Variants in NDUFA10 observed in about 807,000 individuals in gnomAD.
NDUFA10 encodes the protein NADH:ubiquinone oxidoreductase subunit A10, also known as NADH dehydrogenase [ubiquinone] 1 alpha subcomplex subunit 10, mitochondrial.
Under a neutral mutation model 47.8 loss-of-function variants are expected in NDUFA10, and 40 were observed. That is an observed-to-expected ratio of 0.84 (90% CI 0.65 to 1.09). The LOEUF (loss-of-function observed/expected upper bound fraction) is 1.09. Ranked by LOEUF, NDUFA10 falls within the 50% of genes least tolerant of loss-of-function variation. NDUFA10 has a pLI of 0.00. For synonymous variants in NDUFA10, 183 were observed against 172.2 expected, an observed-to-expected ratio of 1.06 and a Z score of -0.49; for missense variants, 413 against 451.1, an observed-to-expected ratio of 0.92 and a Z score of 0.76.
At chr2:240,009,721 T>A (rs1404174760) in intron 6 of NDUFA10, among the ~76,000 whole-genome samples, 1 of 152,228 alleles carries the variant, frequency 6.6e-6, no homozygotes, top group African/African-American at 2.4e-5. Flanking sequence ...GTCAGGTCAA[T>A]CTGCTTTATT....
chr2:240,007,610 T>C (rs916291502), intron 6 of NDUFA10, among the ~76,000 whole-genome samples: 3 of 152,184 alleles, frequency 2.0e-5, no homozygotes, highest in South Asian at 2.1e-4. Context: ...CATTTCCTCG[T>C]TTCCCTTCTC....
chr2:240,018,276 T>G, intron 4 of NDUFA10: 1 of 812,782 alleles, frequency 1.2e-6, no homozygotes, highest in Non-Finnish European at 1.9e-6. Context: ...AACGGGAGGC[T>G]GTGGGGGCTG....
At chr2:239,993,789 T>C (rs563200590) in intron 8 of NDUFA10, among the ~76,000 whole-genome samples, 69 of 151,868 alleles carry the variant, frequency 4.5e-4, no homozygotes, top group African/African-American at 1.5e-3. Context: ...GGGTGTGACT[T>C]TGGGGAGGAT....
intron 9 of NDUFA10, among the ~76,000 whole-genome samples, chr2:239,985,651 C>G (rs754251574): frequency 6.6e-6 from 1 of 151,918 alleles, no homozygotes; most frequent in Admixed American, 6.6e-5. Flanking sequence ...GTGGCAAGAG[C>G]GATACAGACA....
At chr2:240,020,240 G>T (rs1697564647) in intron 3 of NDUFA10, among the ~76,000 whole-genome samples, 1 of 152,122 alleles carries the variant, frequency 6.6e-6, no homozygotes, top group Non-Finnish European at 1.5e-5. Context: ...AACCCTAGTG[G>T]CGGCTGAGCT....
intron 2 of NDUFA10, 36 bp from the exon 3 acceptor site, chr2:240,021,448 C>T (rs752669759): frequency 1.3e-6 from 2 of 1,580,848 alleles, no homozygotes; most frequent in Admixed American, 1.7e-5. Flanking sequence ...GTCTGATGCA[C>T]ATCACTCACT....
Position 239,959,249 on chromosome 2 carries a change from C to A in NDUFA10, c.*1869G>T. ...GAGTCCACACCATGCCGACACGGAG[C>A]CCTGCATGGTTGGAGAGCTCTGCCC... On this transcript the variant is annotated 3_prime_UTR_variant, in exon 10 of 10. Coordinates refer to ENST00000252711, the MANE Select transcript of NDUFA10 (RefSeq NM_004544.4). 1 of 985,462 alleles carries A rather than the reference C, an allele frequency of 1.0e-6. No individual in the cohort carries two copies. The highest frequency in any genetic ancestry group is 1.2e-6 in the Non-Finnish European group (1 of 829,942). The allele number at this position is 985,462 out of a possible 1,614,324, so 61.0% of individuals were successfully genotyped here. A position where few individuals can be genotyped will look rare whatever the true frequency, so the allele number is the denominator to read the frequency against.
intron 4 of NDUFA10, among the ~76,000 whole-genome samples, chr2:239,898,395 G>A (rs1693441578): frequency 1.3e-5 from 2 of 152,332 alleles, no homozygotes; most frequent in South Asian, 2.1e-4. Flanking sequence ...CCAGAGTCAG[G>A]AAGGTGGCCC....
At chr2:239,953,786 T>C (rs1357127954), downstream of NDUFA10, among the ~76,000 whole-genome samples, 18 of 152,256 alleles carry the variant, frequency 1.2e-4, no homozygotes, top group Admixed American at 1.2e-3. Context: ...TGTGACCATG[T>C]GGAGACAGCA....
At chr2:239,988,436 G>A (rs1329187476) in intron 9 of NDUFA10, among the ~76,000 whole-genome samples, 1 of 152,198 alleles carries the variant, frequency 6.6e-6, no homozygotes, top group African/African-American at 2.4e-5. Context: ...AAGAGTGGCA[G>A]ACTTTAACAC....
intron 9 of NDUFA10, among the ~76,000 whole-genome samples, chr2:239,979,091 C>T (rs1001785226): frequency 6.6e-6 from 1 of 152,192 alleles, no homozygotes; most frequent in African/African-American, 2.4e-5. Flanking sequence ...GAGAAGTGTG[C>T]TCCTGTGTAA....
intron 4 of NDUFA10, among the ~76,000 whole-genome samples, chr2:239,915,253 A>T: frequency 1.4e-5 from 1 of 69,178 alleles, no homozygotes; most frequent in Non-Finnish European, 2.8e-5. Context: ...ATACACACAC[A>T]ACACACACAC....
chr2:239,919,927 G>C (rs553250370), intron 4 of NDUFA10, among the ~76,000 whole-genome samples: 1 of 152,186 alleles, frequency 6.6e-6, no homozygotes, highest in Non-Finnish European at 1.5e-5. Flanking sequence ...CCCTGCCTAC[G>C]CCAGTCCTTC....
chr2:239,916,251 TACACACACACACAGA>T (rs1693877592), intron 4 of NDUFA10, among the ~76,000 whole-genome samples: 2 of 140,564 alleles, frequency 1.4e-5, no homozygotes, highest in African/African-American at 5.3e-5. Context: ...CACACAGAGA[TACACACACACACAGA>T]ACACACACAC....
At chr2:240,010,478 G>C (rs1697097791) in intron 6 of NDUFA10, among the ~76,000 whole-genome samples, 2 of 152,116 alleles carry the variant, frequency 1.3e-5, no homozygotes, top group South Asian at 2.1e-4. Context: ...ATCTCCAAGA[G>C]TAATTTTTGA....
intron 4 of NDUFA10, among the ~76,000 whole-genome samples, chr2:239,920,369 G>C (rs1214592274): frequency 2.0e-5 from 3 of 152,206 alleles, no homozygotes; most frequent in Admixed American, 2.0e-4. Context: ...AGGTCCCCTT[G>C]CCATGGGGAC....
rs953854862 is a variant in NDUFA10 at position 239,958,132 on chromosome 2, C to A, written c.*2986G>T. 39 of 152,218 alleles carry A rather than the reference C, an allele frequency of 2.6e-4. No homozygotes were observed. Among genetic ancestry groups the A allele is most frequent in the African/African-American group, 8.7e-4 (36 of 41,452 alleles). The allele number at this position is 152,218 out of a possible 1,614,324, so 9.4% of individuals were successfully genotyped here. A position where few individuals can be genotyped will look rare whatever the true frequency, so the allele number is the denominator to read the frequency against. On this transcript the variant is annotated 3_prime_UTR_variant, in exon 10 of 10. Transcript: ENST00000252711. ...TCATGGAATTCTGGCCAGCCAGTGG[C>A]TGATGCCTACACAAGCTTTTCTTCA... is the stretch of plus-strand genomic sequence containing the variant.
In NDUFA10 at chr2:239,959,224, G is replaced by A. The variant is rs1041000476; in HGVS notation, c.*1894C>T. Reference sequence around the variant, plus strand: ...AACACAGGGGATGATCAGAGCACCCGAGTCCACACCATGCCGACACGGAGC... The same window carrying A: ...AACACAGGGGATGATCAGAGCACCCAAGTCCACACCATGCCGACACGGAGC... On this transcript the variant is annotated 3_prime_UTR_variant, in exon 10 of 10. Transcript: ENST00000252711. 1.2e-5 allele frequency: 12 copies of A among 984,098 alleles called. No individual in the cohort carries two copies. The African/African-American group carries it at 1.6e-4, about 13-fold the overall frequency. The allele number at this position is 984,098 out of a possible 1,614,324, so 61.0% of individuals were successfully genotyped here.
intron 4 of NDUFA10, among the ~76,000 whole-genome samples, chr2:239,936,961 AAAAAAT>A (rs1694275831): frequency 6.6e-6 from 1 of 152,220 alleles, no homozygotes; most frequent in African/African-American, 2.4e-5. Flanking sequence ...CCCTGTCTCA[AAAAAAT>A]AAAAATAAAA....
Sources: gnomAD v4.1 joint callset for allele counts (sites outside exome capture counted in the v4.1 genomes callset) on GRCh38, gnomAD v4.1.1 for gene constraint, MANE v1.5 for transcripts, NCBI Gene and HGNC (gene_info 2026-07-23, HGNC 2026-07-21) for gene names.